Variants in SLCO2A1 observed in about 807,000 individuals in gnomAD.
SLCO2A1 encodes the protein solute carrier organic anion transporter family member 2A1.
In SLCO2A1, 60 loss-of-function variants were observed where a neutral mutation model predicts 71.7. That is an observed-to-expected ratio of 0.84 (90% CI 0.68 to 1.04). The LOEUF (loss-of-function observed/expected upper bound fraction) is 1.04, where lower values mean the gene tolerates loss of function less well. Ranked by LOEUF, SLCO2A1 falls within the 50% of genes least tolerant of loss-of-function variation. The pLI, the probability that SLCO2A1 is intolerant of heterozygous loss-of-function variation, is 0.00. For missense variants in SLCO2A1, 745 were observed against 813.4 expected (o/e 0.92, Z 1.02); for synonymous variants, 308 against 326.7 (o/e 0.94, Z 0.62).
chr3:133,942,703 G>A lies in SLCO2A1; in HGVS notation c.1527C>T (p.Val509=), dbSNP rs763830536. Residue 509 remains valine (V), a synonymous_variant, in exon 11 of 14, where the codon GTC becomes GTT. Transcript: ENST00000310926. The stretch of plus-strand genomic sequence containing the variant: ...CCGGGAGCAGGAAGTGGGCACAGGG[G>A]ACAGGGCACGATCCTGTCTTTGCTG... ...SASAKTGSCP[V]PCAHFLLPAI... 1 of 1,614,052 alleles carries A rather than the reference G, an allele frequency of 6.2e-7. No homozygotes were observed. The highest frequency in any genetic ancestry group is 8.5e-7 in the Non-Finnish European group (1 of 1,179,974).
Position 133,947,380 on chromosome 3 carries a change from C to G in SLCO2A1, c.1171G>C (p.Val391Leu). The part of the protein sequence containing the change: ...LFGGILMKRF[V>L]FSLQAIPRIA... ...CGGGGAATGGCTTGTAGAGAGAAAACAAAGCGCTTCATGAGGATTCCTCCA... is the reference window on the plus strand; with the variant it reads ...CGGGGAATGGCTTGTAGAGAGAAAAGAAAGCGCTTCATGAGGATTCCTCCA... The change falls in exon 9 of 14, where the codon GTT becomes CTT. Residue 391 changes from valine (V) to leucine (L), a missense_variant. Coordinates refer to ENST00000310926, the MANE Select transcript of SLCO2A1 (RefSeq NM_005630.3). 5.0e-6 allele frequency: 8 copies of G among 1,614,042 alleles called. No homozygotes were observed. The highest frequency in any genetic ancestry group is 5.9e-6 in the Non-Finnish European group (7 of 1,179,994).
rs1477083596 is a variant in SLCO2A1, at chr3:133,948,532, T to C, written c.1105+4A>G. ...GCGGATCCTGCAGCACCCTCTGGGCTCACCAATGAGGAAGTTGGCATAGGC... is the reference window on the plus strand; with the variant it reads ...GCGGATCCTGCAGCACCCTCTGGGCCCACCAATGAGGAAGTTGGCATAGGC... On this transcript the variant is annotated splice_donor_region_variant and intron_variant, in intron 8 of 13. Coordinates refer to ENST00000310926, the MANE Select transcript of SLCO2A1 (RefSeq NM_005630.3). The C allele has an allele frequency of 1.2e-6, 2 of 1,612,672 alleles. No homozygotes were observed. Among genetic ancestry groups the C allele is most frequent in the Non-Finnish European group, 1.7e-6 (2 of 1,179,314 alleles).
chr3:134,014,930 G>GA (rs1043169807), intron 1 of SLCO2A1, among the ~76,000 whole-genome samples: 49 of 152,234 alleles, frequency 3.2e-4, no homozygotes, highest in African/African-American at 1.2e-3. Flanking sequence ...AACTTCAAGG[G>GA]AAAAAACATA....
chr3:133,964,116 TAGG>T, intron 3 of SLCO2A1, among the ~76,000 whole-genome samples: 1 of 152,178 alleles, frequency 6.6e-6, no homozygotes, highest in Non-Finnish European at 1.5e-5. Flanking sequence ...CTTGGAAAAC[TAGG>T]AGAACATAGT....
intron 1 of SLCO2A1, among the ~76,000 whole-genome samples, chr3:133,981,003 T>C (rs1484519878): frequency 6.6e-6 from 1 of 152,188 alleles, no homozygotes; most frequent in Non-Finnish European, 1.5e-5. Context: ...CACTGGGCTT[T>C]CTTTTGTATT....
chr3:134,024,968 C>T lies in SLCO2A1; in HGVS notation c.96+4739G>A, dbSNP rs558546711. ...TAACAGGCCCAACCTCCGAGACCATCCTTAAACATCAGTAGACTGTGAGCA... is the reference window on the plus strand; with the variant it reads ...TAACAGGCCCAACCTCCGAGACCATTCTTAAACATCAGTAGACTGTGAGCA... On this transcript the variant is annotated intron_variant, in intron 1 of 13. Transcript: ENST00000310926. 2.0e-5 allele frequency among the ~76,000 whole-genome samples: 3 copies of T among 152,182 alleles called. No individual in the cohort carries two copies. In the South Asian group the frequency reaches 6.3e-4, roughly 32 times the overall value.
intron 1 of SLCO2A1, among the ~76,000 whole-genome samples, chr3:134,014,627 TCAGCAACTTAACA>T (rs1935408008): frequency 6.6e-6 from 1 of 152,112 alleles, no homozygotes. Context: ...CTCATCTCAA[TCAGCAACTTAACA>T]TCATGAGATA....
At chr3:133,979,877 C>T (rs774504751) in intron 1 of SLCO2A1, among the ~76,000 whole-genome samples, 3 of 152,172 alleles carry the variant, frequency 2.0e-5, no homozygotes, top group Non-Finnish European at 2.9e-5. Flanking sequence ...CCAGTGAAAC[C>T]ACAGGGTGTT....
chr3:133,944,991 G>A (rs1933528196), intron 10 of SLCO2A1, 104 bp downstream of exon 10: 1 of 1,330,480 alleles, frequency 7.5e-7, no homozygotes, highest in Admixed American at 2.2e-5. Context: ...GTGTGTGTGT[G>A]GAGCCCTGCC....
chr3:133,958,701 G>C (rs1416821584), intron 3 of SLCO2A1, among the ~76,000 whole-genome samples: 1 of 152,224 alleles, frequency 6.6e-6, no homozygotes, highest in African/African-American at 2.4e-5. Context: ...TGCCAACTTT[G>C]ACCAAACGGA....
chr3:133,973,466 A>G (rs530679809), intron 3 of SLCO2A1, among the ~76,000 whole-genome samples, 197 bp downstream of exon 3: 1 of 152,336 alleles, frequency 6.6e-6, no homozygotes, highest in East Asian at 1.9e-4. Flanking sequence ...TCACAGCAGG[A>G]GGTGAGCCAT....
At chr3:133,970,341 T>C (rs970025526) in intron 3 of SLCO2A1, among the ~76,000 whole-genome samples, 3 of 152,158 alleles carry the variant, frequency 2.0e-5, no homozygotes, top group Non-Finnish European at 4.4e-5. Flanking sequence ...GGGAGTCCCA[T>C]AGCTCAGATT....
At chr3:133,939,837 C>G (rs1933369368) in intron 11 of SLCO2A1, among the ~76,000 whole-genome samples, 1 of 152,188 alleles carries the variant, frequency 6.6e-6, no homozygotes, top group East Asian at 1.9e-4. Flanking sequence ...TGAATGAAAG[C>G]TGACCTTCTG....
At chr3:133,984,901 G>A (rs1485021924) in intron 1 of SLCO2A1, among the ~76,000 whole-genome samples, 1 of 152,162 alleles carries the variant, frequency 6.6e-6, no homozygotes, top group African/African-American at 2.4e-5. Flanking sequence ...TGAGCAGCAG[G>A]TTTTCCCATT....
At chr3:134,005,827 A>G (rs902187023) in intron 1 of SLCO2A1, among the ~76,000 whole-genome samples, 3 of 152,090 alleles carry the variant, frequency 2.0e-5, no homozygotes, top group African/African-American at 7.2e-5. Flanking sequence ...CAACCTGATT[A>G]TATTTATATT....
chr3:133,937,921 C>G lies in SLCO2A1; in HGVS notation c.1690+508G>C, dbSNP rs377121269. Among the ~76,000 whole-genome samples the G allele has an allele frequency of 2.9e-4, 44 of 152,364 alleles. 1 individual carries two copies. Among genetic ancestry groups the G allele is most frequent in the African/African-American group, 7.2e-4 (30 of 41,590 alleles). On this transcript the variant is annotated intron_variant, in intron 12 of 13. Coordinates refer to ENST00000310926, the MANE Select transcript of SLCO2A1 (RefSeq NM_005630.3). ...CGCTCTCCCCTGGGGCACTGCTGATCACTTGTGCACAGCTCCATTCCTCTG... is the reference window on the plus strand; with the variant it reads ...CGCTCTCCCCTGGGGCACTGCTGATGACTTGTGCACAGCTCCATTCCTCTG...
At chr3:133,943,169 A>G (rs1419905849) in intron 10 of SLCO2A1, among the ~76,000 whole-genome samples, 6 of 152,192 alleles carry the variant, frequency 3.9e-5, no homozygotes, top group Non-Finnish European at 4.4e-5. Flanking sequence ...AGGGAGGCAT[A>G]AACAGTAGGA....
At chr3:134,014,539 A>G (rs913873585) in intron 1 of SLCO2A1, among the ~76,000 whole-genome samples, 3 of 152,184 alleles carry the variant, frequency 2.0e-5, no homozygotes, top group African/African-American at 7.2e-5. Context: ...GATTACTCAA[A>G]GACAATGCGG....
intron 1 of SLCO2A1, among the ~76,000 whole-genome samples, chr3:133,998,065 C>A (rs933749418): frequency 3.3e-4 from 50 of 152,160 alleles, no homozygotes; most frequent in African/African-American, 1.2e-3. Context: ...CCGCCTCCTG[C>A]TCTATACAGG....
Sources: allele counts gnomAD v4.1 joint callset (sites outside exome capture counted in the v4.1 genomes callset), GRCh38; gene constraint gnomAD v4.1.1; transcripts MANE v1.5; gene names NCBI Gene and HGNC (gene_info 2026-07-23, HGNC 2026-07-21).